The following GALNT18 variants were observed in gnomAD, a reference collection of about 807,000 sequenced individuals.
The protein encoded by GALNT18 is GalNAc-transferase 18.
Under a neutral mutation model 69.5 loss-of-function variants are expected in GALNT18, and 44 were observed. That is an observed-to-expected ratio of 0.63 (90% CI 0.50 to 0.81). The LOEUF is 0.81. Ranked by LOEUF, GALNT18 falls within the 40% of genes least tolerant of loss-of-function variation. The pLI is 0.00. For missense variants in GALNT18, 715 were observed against 810.0 expected, an observed-to-expected ratio of 0.88 and a Z score of 1.42; for synonymous variants, 364 against 318.2, an observed-to-expected ratio of 1.14 and a Z score of -1.53.
Position 11,537,188 on chromosome 11 carries a change from G to T in GALNT18, c.235+84171C>A, listed in dbSNP as rs375650271. On this transcript the variant is annotated intron_variant, in intron 1 of 10. Coordinates refer to ENST00000227756, the MANE Select transcript of GALNT18 (RefSeq NM_198516.3). ...CATGAGGGAACTGAGGCACTGAGAG[G>T]TCATCCAGCTTGCCTAAAGTCACAC... Among the ~76,000 whole-genome samples the T allele has an allele frequency of 2.0e-5, 3 of 149,558 alleles. No individual in the cohort carries two copies. In the East Asian group the frequency reaches 6.1e-4, roughly 30 times the overall value.
intron 3 of GALNT18, among the ~76,000 whole-genome samples, chr11:11,399,044 G>C (rs1253723566): frequency 1.3e-5 from 2 of 152,188 alleles, no homozygotes; most frequent in African/African-American, 4.8e-5. Flanking sequence ...AAATTCATCT[G>C]TTGAAAGTCT....
At chr11:11,442,768 A>G (rs988627449) in intron 2 of GALNT18, among the ~76,000 whole-genome samples, 2 of 152,146 alleles carry the variant, frequency 1.3e-5, no homozygotes. Flanking sequence ...ACCTTTGCCA[A>G]CGCCTCCTGT....
intron 9 of GALNT18, among the ~76,000 whole-genome samples, chr11:11,323,940 T>G (rs1849876494): frequency 6.6e-6 from 1 of 152,162 alleles, no homozygotes; most frequent in African/African-American, 2.4e-5. Flanking sequence ...GGCTGATAAT[T>G]CTTCAGATCT....
chr11:11,579,425 GTGTCCA>G (rs1859017419), intron 1 of GALNT18, among the ~76,000 whole-genome samples: 1 of 152,182 alleles, frequency 6.6e-6, no homozygotes, highest in Non-Finnish European at 1.5e-5. Flanking sequence ...CATTTAATGT[GTGTCCA>G]AATAAACTCC....
rs561938263 is a variant in GALNT18 at position 11,614,362 on chromosome 11, A to G, written c.235+6997T>C. On this transcript the variant is annotated intron_variant, in intron 1 of 10. Transcript: ENST00000227756. This position sits in a 1 kb window ranked among gnomAD's most constrained non-coding sequence, Gnocchi z 5.6. The stretch of plus-strand genomic sequence containing the variant: ...CAAGAGAGTGAGGAGAAGAAGAAGA[A>G]GAGGAGGAGGAGGAGGAGGAGGAGG... 1.0e-4 allele frequency among the ~76,000 whole-genome samples: 15 copies of G among 146,416 alleles called. No individual in the cohort carries two copies. The highest frequency in any genetic ancestry group is 3.1e-4 in the African/African-American group (12 of 39,024).
At chr11:11,344,189 C>T (rs1850260180) in intron 6 of GALNT18, among the ~76,000 whole-genome samples, 1 of 152,176 alleles carries the variant, frequency 6.6e-6, no homozygotes, top group East Asian at 1.9e-4. Flanking sequence ...CCTTGTGCTC[C>T]CCAATACACT....
chr11:11,535,381 T>C (rs1857751737), intron 1 of GALNT18, among the ~76,000 whole-genome samples: 1 of 152,240 alleles, frequency 6.6e-6, no homozygotes, highest in African/African-American at 2.4e-5. Context: ...GATAACATTT[T>C]CTGCATTGAG....
intron 1 of GALNT18, among the ~76,000 whole-genome samples, chr11:11,572,739 G>C (rs116753946): frequency 1.3e-5 from 2 of 152,138 alleles, no homozygotes; most frequent in Admixed American, 1.3e-4. Flanking sequence ...CGCAACCCTC[G>C]CCTTCCTGCC....
At position 11,498,802 on chromosome 11, in the gene GALNT18, A is replaced by G. The variant is rs573630646; in HGVS notation, c.236-49866T>C. 4.6e-5 allele frequency among the ~76,000 whole-genome samples: 7 copies of G among 152,364 alleles called. 1 individual carries two copies. Among genetic ancestry groups the G allele is most frequent in the Admixed American group, 2.0e-4 (3 of 15,302 alleles). ...CAACAGAGTGAGACTCCATCTCAAAAAAATAAATAAATAAAAGAAGGGAAG... is the reference window on the plus strand; with the variant it reads ...CAACAGAGTGAGACTCCATCTCAAAGAAATAAATAAATAAAAGAAGGGAAG... On this transcript the variant is annotated intron_variant, in intron 1 of 10. Transcript: ENST00000227756.
chr11:11,530,752 T>C (rs573053820), intron 1 of GALNT18, among the ~76,000 whole-genome samples: 16 of 152,296 alleles, frequency 1.1e-4, no homozygotes, highest in African/African-American at 3.6e-4. Context: ...GTGCTGCTGG[T>C]TGGAGAGCAC....
chr11:11,352,421 G>C (rs767821892), intron 6 of GALNT18: 1 of 1,613,896 alleles, frequency 6.2e-7, no homozygotes. Flanking sequence ...CACGTCCATG[G>C]AAAAATGGCT....
chr11:11,574,389 G>T (rs1418111215), intron 1 of GALNT18, among the ~76,000 whole-genome samples: 1 of 152,188 alleles, frequency 6.6e-6, no homozygotes, highest in Non-Finnish European at 1.5e-5. Context: ...GGTACCATGG[G>T]TGAACCATCT....
At chr11:11,552,455 G>A (rs534675750) in intron 1 of GALNT18, among the ~76,000 whole-genome samples, 4 of 152,302 alleles carry the variant, frequency 2.6e-5, no homozygotes, top group South Asian at 4.2e-4. Context: ...CTCCCAGCAC[G>A]GGGCCTGGGG....
rs927651383 is a variant in GALNT18, at chr11:11,585,082, A to G, written c.235+36277T>C. On this transcript the variant is annotated intron_variant, in intron 1 of 10. Coordinates refer to ENST00000227756, the MANE Select transcript of GALNT18 (RefSeq NM_198516.3). ...TGTCCACATTTAGAAGATCTGCCTA[A>G]CTCTGTGAGCTTATCCTTTCCAAAT... is the stretch of plus-strand genomic sequence containing the variant. Among the ~76,000 whole-genome samples the G allele has an allele frequency of 5.3e-5, 8 of 152,272 alleles. No individual in the cohort carries two copies. The South Asian group carries it at 1.7e-3, about 32-fold the overall frequency.
At chr11:11,572,265 G>T (rs1338948348) in intron 1 of GALNT18, among the ~76,000 whole-genome samples, 1 of 152,194 alleles carries the variant, frequency 6.6e-6, no homozygotes, top group African/African-American at 2.4e-5. Flanking sequence ...TAGAAGAGGG[G>T]TACACAAATA....
chr11:11,275,621 G>C (rs1001235617), intron 10 of GALNT18, among the ~76,000 whole-genome samples: 1 of 152,178 alleles, frequency 6.6e-6, no homozygotes, highest in Admixed American at 6.5e-5. Context: ...CCGATGTCCC[G>C]AATGGTACTG....
intron 1 of GALNT18, among the ~76,000 whole-genome samples, chr11:11,537,808 C>T (rs1857819593): frequency 6.6e-6 from 1 of 152,164 alleles, no homozygotes; most frequent in African/African-American, 2.4e-5. Context: ...ACAAGCTTCT[C>T]AGATATTTGG....
intron 6 of GALNT18, among the ~76,000 whole-genome samples, chr11:11,370,936 T>G (rs1850887599): frequency 6.6e-6 from 1 of 152,136 alleles, no homozygotes; most frequent in Admixed American, 6.5e-5. Context: ...CCAGGAGCAG[T>G]GCTGAAATGA....
At position 11,469,133 on chromosome 11, in the gene GALNT18, A is replaced by G. The variant is rs973854510; in HGVS notation, c.236-20197T>C. Among the ~76,000 whole-genome samples the G allele has an allele frequency of 1.3e-5, 2 of 152,168 alleles. No individual in the cohort carries two copies. The highest frequency in any genetic ancestry group is 2.1e-4 in the South Asian group (1 of 4,820). ...CTGTGAATCAGCCAGCTCTGATGATATTATTTTTTGGATCCCGGTAGCCAA... is the reference window on the plus strand; with the variant it reads ...CTGTGAATCAGCCAGCTCTGATGATGTTATTTTTTGGATCCCGGTAGCCAA... On this transcript the variant is annotated intron_variant, in intron 1 of 10. Transcript: ENST00000227756. This position sits in a 1 kb window ranked among gnomAD's most constrained non-coding sequence, Gnocchi z 4.2.
Sources: allele counts gnomAD v4.1 joint callset (sites outside exome capture counted in the v4.1 genomes callset), GRCh38; gene constraint gnomAD v4.1.1; non-coding constraint Gnocchi (gnomAD v3.1); transcripts MANE v1.5; gene names NCBI Gene and HGNC (gene_info 2026-07-23, HGNC 2026-07-21).